The following MICOS10 variants were observed in gnomAD, a reference collection of about 807,000 sequenced individuals.
MICOS10 encodes the protein MICOS complex subunit MIC10.
Under a neutral mutation model 13.4 loss-of-function variants are expected in MICOS10, and 5 were observed. The ratio of observed to expected loss-of-function variants is 0.37; its 90% confidence interval spans 0.20 to 0.78. The LOEUF is 0.78. Among genes scored for constraint, MICOS10 ranks in the 30% least tolerant of loss-of-function variants. The pLI is 0.47. For synonymous variants in MICOS10, 35 were observed against 33.6 expected (o/e 1.04, Z -0.15); for missense variants, 101 against 94.6 (o/e 1.07, Z -0.28).
chr1:19,623,914 T>A (rs1360701839), intron 3 of MICOS10: 1 of 178,466 alleles, frequency 5.6e-6, no homozygotes, highest in East Asian at 1.4e-4. Context: ...GAGCTCAGAG[T>A]GCCCTGTAAA....
chr1:19,612,650 G>A (rs2094868185), intron 1 of MICOS10, among the ~76,000 whole-genome samples: 1 of 152,098 alleles, frequency 6.6e-6, no homozygotes, highest in Non-Finnish European at 1.5e-5. Flanking sequence ...TTGAACCCAG[G>A]AAACAGATGT....
rs779885209 is a variant in MICOS10, at chr1:19,596,988, T to C, written c.-58T>C. 1.7e-5 allele frequency: 26 copies of C among 1,534,774 alleles called. No individual in the cohort carries two copies. The highest frequency in any genetic ancestry group is 1.6e-5 in the Non-Finnish European group (18 of 1,139,456). On this transcript the variant is annotated 5_prime_UTR_variant, in exon 1 of 4. Coordinates refer to ENST00000322753, the MANE Select transcript of MICOS10 (RefSeq NM_001032363.4). ...CTTGTTTCCAGCTCTCGCGAGACTT[T>C]CAGGGGTCGGAGCGCGGGGGCCGGC...
intron 1 of MICOS10, among the ~76,000 whole-genome samples, chr1:19,618,158 A>G (rs1336450092): frequency 6.7e-6 from 1 of 150,094 alleles, no homozygotes; most frequent in Non-Finnish European, 1.5e-5. Context: ...CCAGGCTGCA[A>G]TACAGTGGTA....
At chr1:19,620,102 C>CT (rs1447144224) in intron 1 of MICOS10, among the ~76,000 whole-genome samples, 1 of 152,166 alleles carries the variant, frequency 6.6e-6, no homozygotes, top group African/African-American at 2.4e-5. Context: ...TTTCCTTTGG[C>CT]TTTTTTCCCT....
In MICOS10 at chr1:19,628,525, T is replaced by C. The variant is rs1441887809; in HGVS notation, c.*2124T>C. 1 of 151,562 alleles carries C rather than the reference T, an allele frequency of 6.6e-6. No homozygotes were observed. Among genetic ancestry groups the C allele is most frequent in the African/African-American group, 2.4e-5 (1 of 41,324 alleles). The allele number at this position is 151,562 out of a possible 1,614,324, so 9.4% of individuals were successfully genotyped here. A position where few individuals can be genotyped will look rare whatever the true frequency, so the allele number is the denominator to read the frequency against. On this transcript the variant is annotated 3_prime_UTR_variant, in exon 4 of 4. Coordinates refer to ENST00000322753, the MANE Select transcript of MICOS10 (RefSeq NM_001032363.4). ...TGTAAAACCCTGTCTCTACTAAAAA[T>C]ATAAAAATCAGCTGGGCATGGTGGC... is the stretch of plus-strand genomic sequence containing the variant.
intron 1 of MICOS10, among the ~76,000 whole-genome samples, chr1:19,615,779 C>G (rs554804416): frequency 1.3e-5 from 2 of 151,606 alleles, no homozygotes; most frequent in Non-Finnish European, 2.9e-5. Context: ...AATAAACACT[C>G]TATACTGGAC....
In MICOS10 at chr1:19,627,939, C is replaced by T. The variant is rs561497692; in HGVS notation, c.*1538C>T. ...TGCAAACTGTCCAGGCTCCTCTGCCCTCTGGGCTTGTTTTCCTCTTTATTG... is the reference window on the plus strand; with the variant it reads ...TGCAAACTGTCCAGGCTCCTCTGCCTTCTGGGCTTGTTTTCCTCTTTATTG... On this transcript the variant is annotated 3_prime_UTR_variant, in exon 4 of 4. Coordinates refer to ENST00000322753, the MANE Select transcript of MICOS10 (RefSeq NM_001032363.4). 1 of 152,428 alleles carries T rather than the reference C, an allele frequency of 6.6e-6. No homozygotes were observed. The highest frequency in any genetic ancestry group is 6.5e-5 in the Admixed American group (1 of 15,300). The allele number at this position is 152,428 out of a possible 1,614,324, so 9.4% of individuals were successfully genotyped here.
chr1:19,623,671 G>GGTTTACTCAT, intron 3 of MICOS10, 88 bp downstream of exon 3: 1 of 890,302 alleles, frequency 1.1e-6, no homozygotes, highest in Non-Finnish European at 1.8e-6. Flanking sequence ...TTTGTAATGA[G>GGTTTACTCAT]TAAACCATGT....
chr1:19,623,499 T>A lies in MICOS10; in HGVS notation c.138T>A (p.Gly46=). ...GAAGAATGTGGCCATTAGCCTTCGG[T>A]TCTGGCATGGGATTAGGAATGGCTT... is the stretch of plus-strand genomic sequence containing the variant. ...FKRRMWPLAF[G]SGMGLGMAYS... is the part of the protein sequence containing the mutation. The change falls in exon 3 of 4, where the codon GGT becomes GGA. Residue 46 remains glycine, a synonymous_variant. Coordinates refer to ENST00000322753, the MANE Select transcript of MICOS10 (RefSeq NM_001032363.4). The A allele has an allele frequency of 6.2e-7, 1 of 1,612,620 alleles. No homozygotes were observed. The highest frequency in any genetic ancestry group is 1.3e-5 in the African/African-American group (1 of 74,990).
At chr1:19,614,458 CCACT>C (rs941038029) in intron 1 of MICOS10, 1 of 152,214 alleles carries the variant, frequency 6.6e-6, no homozygotes, top group Non-Finnish European at 1.5e-5. Context: ...GACACACACA[CCACT>C]CACTCACTTT....
chr1:19,625,643 T>A (rs2094919309), intron 3 of MICOS10: 1 of 1,284,746 alleles, frequency 7.8e-7, no homozygotes, highest in Non-Finnish European at 1.0e-6. Context: ...GTCTTTTGCT[T>A]AAAACATTTC....
chr1:19,617,702 C>T (rs893110384), intron 1 of MICOS10, among the ~76,000 whole-genome samples: 5 of 152,130 alleles, frequency 3.3e-5, no homozygotes, highest in Non-Finnish European at 7.3e-5. Flanking sequence ...ATAACACATG[C>T]ATTTGATGAT....
chr1:19,625,418 C>T (rs1245699748), intron 3 of MICOS10: 1 of 1,289,376 alleles, frequency 7.8e-7, no homozygotes, highest in Non-Finnish European at 1.0e-6. Flanking sequence ...CAGCTGCCTG[C>T]AGCCAGCCCA....
At chr1:19,606,749 CAA>C (rs550672925) in intron 1 of MICOS10, among the ~76,000 whole-genome samples, 1 of 134,084 alleles carries the variant, frequency 7.5e-6, no homozygotes. Flanking sequence ...GCTCTGTCTC[CAA>C]AAAAAAAAAG....
intron 1 of MICOS10, among the ~76,000 whole-genome samples, chr1:19,609,824 A>G (rs1010062091): frequency 2.0e-5 from 3 of 152,202 alleles, no homozygotes; most frequent in African/African-American, 4.8e-5. Flanking sequence ...AAAGGGGGGA[A>G]AAACAGAATA....
chr1:19,602,807 G>C (rs1344774159), intron 1 of MICOS10, among the ~76,000 whole-genome samples: 1 of 152,152 alleles, frequency 6.6e-6, no homozygotes, highest in Non-Finnish European at 1.5e-5. Flanking sequence ...TTTCTTATTA[G>C]TGAGGCTAGA....
chr1:19,621,976 A>G (rs886160676), intron 1 of MICOS10, 124 bp from the exon 2 acceptor site: 15 of 736,044 alleles, frequency 2.0e-5, no homozygotes, highest in Admixed American at 6.0e-5. Context: ...AAATTAGAAA[A>G]TTAATTCTCT....
intron 1 of MICOS10, among the ~76,000 whole-genome samples, chr1:19,607,204 C>T (rs1287905406): frequency 6.6e-6 from 1 of 152,118 alleles, no homozygotes; most frequent in Non-Finnish European, 1.5e-5. Context: ...ACAATGTGAC[C>T]AAAAATACTT....
intron 1 of MICOS10, among the ~76,000 whole-genome samples, chr1:19,616,856 T>G (rs1055424558): frequency 3.3e-5 from 5 of 152,226 alleles, no homozygotes; most frequent in African/African-American, 1.2e-4. Flanking sequence ...CCTAACGCTT[T>G]GTAGATGTTA....
Sources: allele counts gnomAD v4.1 joint callset (sites outside exome capture counted in the v4.1 genomes callset), GRCh38; gene constraint gnomAD v4.1.1; transcripts MANE v1.5; gene names NCBI Gene and HGNC (gene_info 2026-07-23, HGNC 2026-07-21).